CEP162: variants seen among roughly 807,000 people sequenced by gnomAD.
The protein encoded by CEP162 is centrosomal protein of 162 kDa.
In CEP162, 141 loss-of-function variants were observed where a neutral mutation model predicts 169.2. That is an observed-to-expected ratio of 0.83 (90% CI 0.73 to 0.96). The LOEUF (loss-of-function observed/expected upper bound fraction) is 0.96, where lower values mean the gene tolerates loss of function less well. CEP162 is among the 40% of genes least tolerant of loss of function. The pLI is 0.00. For missense variants in CEP162, 1,600 were observed against 1,587.2 expected, an observed-to-expected ratio of 1.01 and a Z score of -0.14; for synonymous variants, 540 against 526.4, an observed-to-expected ratio of 1.03 and a Z score of -0.35.
chr6:84,159,568 T>A (rs1308686333), intron 21 of CEP162, among the ~76,000 whole-genome samples: 12 of 84,632 alleles, frequency 1.4e-4, no homozygotes, highest in Non-Finnish European at 2.1e-4. Flanking sequence ...TTTTTTTTTT[T>A]TTTTTTTTTT....
Position 84,174,159 on chromosome 6 carries a change from T to C in CEP162, c.2055A>G (p.Lys685=). The C allele has an allele frequency of 6.2e-7, 1 of 1,607,790 alleles. No individual in the cohort carries two copies. The highest frequency in any genetic ancestry group is 8.5e-7 in the Non-Finnish European group (1 of 1,176,660). ...CTTCTCCAAAATGTAACCACCTTTG[T>C]TTTTTGTTTGTTTCTTCAAAGCTGC... is the stretch of plus-strand genomic sequence containing the variant. The part of the protein sequence containing the change: ...KLSSFEETNK[K]QRWLHFGEAA... Residue 685 remains lysine, a synonymous_variant, in exon 16 of 27, where the codon AAA becomes AAG. Transcript: ENST00000403245.
At chr6:84,149,214 A>G (rs2099520202) in intron 24 of CEP162, among the ~76,000 whole-genome samples, 2 of 152,132 alleles carry the variant, frequency 1.3e-5, no homozygotes. Flanking sequence ...TCGGTTCAAC[A>G]TCCAAGTTCA....
chr6:84,209,912 T>C (rs1163738700), intron 6 of CEP162, among the ~76,000 whole-genome samples: 2 of 152,132 alleles, frequency 1.3e-5, no homozygotes, highest in African/African-American at 2.4e-5. Context: ...GTGTCATTAG[T>C]AGACACAGAG....
chr6:84,213,011 C>T lies in CEP162; in HGVS notation c.517G>A (p.Ala173Thr), dbSNP rs530308182. 24 of 1,545,530 alleles carry T rather than the reference C, an allele frequency of 1.6e-5. No individual in the cohort carries two copies. In the Middle Eastern group the frequency reaches 5.1e-4, roughly 33 times the overall value. Residue 173 changes from alanine (A) to threonine (T), a missense_variant, in exon 6 of 27, where the codon GCA (alanine) becomes ACA (threonine). Coordinates refer to ENST00000403245, the MANE Select transcript of CEP162 (RefSeq NM_014895.4). ...TCATGTTCGTCATCAGTTAGTTCTG[C>T]GTTGGCTTGATTACTGGAAAAAATA... Reference protein sequence around the residue: ...FKALHSNQANAELTDDEHENE... With the variant: ...FKALHSNQANTELTDDEHENE...
At chr6:84,225,746 C>T (rs1188694489) in intron 2 of CEP162, among the ~76,000 whole-genome samples, 1 of 149,898 alleles carries the variant, frequency 6.7e-6, no homozygotes, top group Non-Finnish European at 1.5e-5. Context: ...TAAATACATA[C>T]CAGATTAAGA....
At chr6:84,205,491 C>A (rs979456500) in intron 6 of CEP162, among the ~76,000 whole-genome samples, 169 of 152,290 alleles carry the variant, frequency 1.1e-3, no homozygotes, top group Non-Finnish European at 1.8e-3. Context: ...TCAATAGATT[C>A]AGAAAAGGCC....
Position 84,215,825 on chromosome 6 carries a change from A to C in CEP162, c.270T>G (p.Leu90=). ...EEESAEKIQF[L]KSSGTSLLST... ...TTAAGAGAGAGGTTCCACTGCTCTT[A>C]AGAAATTGAATCTTTTCAGCAGACT... Residue 90 remains leucine, a synonymous_variant, in exon 4 of 27, where the codon CTT becomes CTG. Coordinates refer to ENST00000403245, the MANE Select transcript of CEP162 (RefSeq NM_014895.4). 1 of 1,589,680 alleles carries C rather than the reference A, an allele frequency of 6.3e-7. No homozygotes were observed. The highest frequency in any genetic ancestry group is 8.6e-7 in the Non-Finnish European group (1 of 1,166,282).
intron 23 of CEP162, among the ~76,000 whole-genome samples, chr6:84,149,984 T>G (rs190577277): frequency 6.6e-6 from 1 of 152,116 alleles, no homozygotes; most frequent in African/African-American, 2.4e-5. Context: ...TCTGAGGGAA[T>G]CTAGGGTTCC....
intron 25 of CEP162, among the ~76,000 whole-genome samples, chr6:84,128,800 G>A (rs991924038): frequency 6.6e-5 from 10 of 151,992 alleles, no homozygotes; most frequent in East Asian, 1.9e-4. Context: ...CCATCAACCC[G>A]TCATCTACAT....
intron 9 of CEP162, among the ~76,000 whole-genome samples, chr6:84,195,586 A>G (rs961820612): frequency 1.3e-5 from 2 of 152,212 alleles, no homozygotes; most frequent in African/African-American, 4.8e-5. Flanking sequence ...GTTCTCTTCA[A>G]CTATGTGAGA....
In CEP162 at chr6:84,155,463, T is replaced by A; in HGVS notation, c.2829A>T (p.Leu943Phe). 1 of 1,613,278 alleles carries A rather than the reference T, an allele frequency of 6.2e-7. No individual in the cohort carries two copies. Among genetic ancestry groups the A allele is most frequent in the Non-Finnish European group, 8.5e-7 (1 of 1,179,394 alleles). Residue 943 changes from leucine (L) to phenylalanine (F), a missense_variant, in exon 22 of 27, where the codon TTA becomes TTT. Transcript: ENST00000403245. Reference sequence around the variant, plus strand: ...CTGATGCAGCCAATATTAAAGCAGGTAAAGAATTGGGATATCTTCTCTTCA... The same window carrying A: ...CTGATGCAGCCAATATTAAAGCAGGAAAAGAATTGGGATATCTTCTCTTCA... ...GILKRRYPNS[L>F]PALILAASAA...
intron 6 of CEP162, among the ~76,000 whole-genome samples, chr6:84,205,182 C>T (rs2099546332): frequency 6.6e-6 from 1 of 152,172 alleles, no homozygotes; most frequent in Non-Finnish European, 1.5e-5. Context: ...TGAAACTATT[C>T]CAATCAACAG....
chr6:84,179,977 T>C (rs181740887), intron 13 of CEP162, among the ~76,000 whole-genome samples: 2,062 of 152,208 alleles, frequency 0.014, 11 homozygotes, highest in African/African-American at 0.023. Flanking sequence ...AGAGGGAATC[T>C]TCCCTAACTC....
Position 84,152,545 on chromosome 6 carries a change from C to T in CEP162, c.3629G>A (p.Arg1210Lys). 7.2e-5 allele frequency: 97 copies of T among 1,348,768 alleles called. No individual in the cohort carries two copies. The highest frequency in any genetic ancestry group is 2.5e-4 in the South Asian group (13 of 52,964). The allele number at this position is 1,348,768 out of a possible 1,614,324, so 83.6% of individuals were successfully genotyped here. Residue 1210 changes from arginine to lysine, a missense_variant and splice_region_variant, in exon 23 of 27, where the codon AGG (arginine) becomes AAG (lysine). Arg to Lys is a conservative substitution (Grantham distance 26, BLOSUM62 2). Transcript: ENST00000403245. ...VMNQFENSMR[R>K]VKEDTAAHIA... The stretch of plus-strand genomic sequence containing the variant: ...ATTTATAAATAATTTAACATTTTAC[C>T]TTCTCATGGAGTTTTCAAATTGATT...
intron 18 of CEP162, among the ~76,000 whole-genome samples, chr6:84,163,691 C>T (rs915061212): frequency 2.0e-5 from 3 of 151,886 alleles, no homozygotes; most frequent in Non-Finnish European, 2.9e-5. Context: ...GCTGGCCAGG[C>T]GTGGTGGCTC....
chr6:84,204,503 A>G (rs2099545948), intron 6 of CEP162, among the ~76,000 whole-genome samples: 1 of 152,264 alleles, frequency 6.6e-6, no homozygotes, highest in Non-Finnish European at 1.5e-5. Context: ...AAATGAAGGC[A>G]GAAATAAAGA....
chr6:84,148,650 C>T (rs1451044751), intron 24 of CEP162, among the ~76,000 whole-genome samples: 3 of 151,966 alleles, frequency 2.0e-5, no homozygotes, highest in Non-Finnish European at 2.9e-5. Flanking sequence ...TCAAACTTCC[C>T]GAATTGAGGA....
In CEP162 at chr6:84,128,197, A is replaced by G. The variant is rs62449278; in HGVS notation, c.3871-1685T>C. ...ATGATTAAACATTCATTGGTAAATC[A>G]CATAAACTTAGAAATCTGGTTTTAG... is the stretch of plus-strand genomic sequence containing the variant. On this transcript the variant is annotated intron_variant, in intron 25 of 26. Transcript: ENST00000403245. Among the ~76,000 whole-genome samples the G allele has an allele frequency of 3.6e-3, 555 of 152,336 alleles. 5 individuals carry two copies. Among genetic ancestry groups the G allele is most frequent in the Non-Finnish European group, 5.8e-3 (395 of 68,026 alleles).
At chr6:84,160,759 C>A in intron 21 of CEP162, 53 bp downstream of exon 21, 1 of 1,152,932 alleles carries the variant, frequency 8.7e-7, no homozygotes, top group Non-Finnish European at 1.3e-6. Flanking sequence ...AAGAGAAAAC[C>A]AAAATGCACT....
Sources: gnomAD v4.1 joint callset for allele counts (sites outside exome capture counted in the v4.1 genomes callset) on GRCh38, gnomAD v4.1.1 for gene constraint, MANE v1.5 for transcripts, NCBI Gene and HGNC (gene_info 2026-07-23, HGNC 2026-07-21) for gene names.